Variants in GPC3 observed in about 807,000 individuals in gnomAD.
GPC3 encodes glypican 3.
A neutral mutation model predicts 34.4 loss-of-function variants in GPC3; 3 were observed. The ratio of observed to expected loss-of-function variants is 0.09; its 90% confidence interval spans 0.04 to 0.23. The LOEUF (loss-of-function observed/expected upper bound fraction) is 0.23, where lower values mean the gene tolerates loss of function less well. Among genes scored for constraint, GPC3 ranks in the 10% least tolerant of loss-of-function variants. GPC3 has a pLI of 1.00. For synonymous variants in GPC3, 177 were observed against 174.0 expected (o/e 1.02, Z -0.13); for missense variants, 351 against 445.6 (o/e 0.79, Z 1.91).
intron 3 of GPC3, among the ~76,000 whole-genome samples, chrX:133,715,753 ATGAGAT>A (rs1226734854): frequency 9.0e-6 from 1 of 111,095 alleles, no homozygotes; most frequent in East Asian, 2.8e-4. Context: ...AATCCAGGTA[ATGAGAT>A]GTCCATAAGT....
chrX:133,911,056 A>T (rs1272981237), intron 2 of GPC3, among the ~76,000 whole-genome samples: 2 of 112,166 alleles, frequency 1.8e-5, no homozygotes, highest in Non-Finnish European at 3.8e-5. Flanking sequence ...TCAGGAAGAA[A>T]AAAAGTGCCC....
intron 2 of GPC3, among the ~76,000 whole-genome samples, chrX:133,872,118 T>G (rs148257584): frequency 1.6e-3 from 181 of 111,813 alleles, no homozygotes; most frequent in African/African-American, 5.6e-3. Context: ...ACCAGTTACC[T>G]TTTATGTTAA....
intron 2 of GPC3, among the ~76,000 whole-genome samples, chrX:133,830,653 G>T (rs1252827287): frequency 3.2e-5 from 3 of 94,195 alleles, no homozygotes; most frequent in Non-Finnish European, 6.3e-5. Context: ...ACTCCAGCCT[G>T]GGCAACAAAA....
chrX:133,931,737 C>T (rs11798369), intron 2 of GPC3, among the ~76,000 whole-genome samples: 2 of 111,914 alleles, frequency 1.8e-5, no homozygotes, highest in Non-Finnish European at 3.8e-5. Flanking sequence ...GGACTAAGGA[C>T]TAAGCCCTAA....
chrX:133,977,817 T>C (rs2076522844), intron 1 of GPC3, among the ~76,000 whole-genome samples: 1 of 112,483 alleles, frequency 8.9e-6, no homozygotes, highest in Admixed American at 9.4e-5. Flanking sequence ...AGGCAACTAA[T>C]TGAAAGTTTG....
chrX:133,917,482 T>C (rs2076229833), intron 2 of GPC3, among the ~76,000 whole-genome samples: 1 of 112,026 alleles, frequency 8.9e-6, no homozygotes, highest in African/African-American at 3.2e-5. Flanking sequence ...TGGTCCAGTG[T>C]TAATGCAGTT....
intron 4 of GPC3, among the ~76,000 whole-genome samples, chrX:133,695,831 T>G (rs879941): frequency 0.052 from 5,798 of 112,262 alleles, 236 homozygotes; most frequent in Admixed American, 0.21. Context: ...CTGTTAATAT[T>G]TCAATGTAGT....
chrX:133,743,485 G>A (rs1194609964), intron 3 of GPC3, among the ~76,000 whole-genome samples: 1 of 112,379 alleles, frequency 8.9e-6, no homozygotes, highest in Admixed American at 9.5e-5. Flanking sequence ...AAAATGCATG[G>A]GCATAAGAGG....
chrX:133,661,636 CCCCCCCCTCTCTCT>C (rs2070726271), intron 6 of GPC3, 80 bp downstream of exon 6: 1 of 23,782 alleles, frequency 4.2e-5, no homozygotes, highest in Non-Finnish European at 7.1e-5. Context: ...CTCTCTCTCC[CCCCCCCCTCTCTCT>C]CCCCCTCTCT....
intron 2 of GPC3, among the ~76,000 whole-genome samples, chrX:133,904,862 A>G (rs745641775): frequency 3.6e-5 from 4 of 112,201 alleles, no homozygotes; most frequent in Non-Finnish European, 7.5e-5. Context: ...CTAGATCTAT[A>G]TAAAAGCAAA....
At chrX:133,864,348 T>C (rs1603262558) in intron 2 of GPC3, among the ~76,000 whole-genome samples, 1 of 111,733 alleles carries the variant, frequency 8.9e-6, no homozygotes, top group African/African-American at 3.3e-5. Context: ...TCTGAAGAAA[T>C]TTCCCATCAT....
intron 2 of GPC3, among the ~76,000 whole-genome samples, chrX:133,935,159 A>G (rs1177070839): frequency 3.6e-5 from 4 of 111,778 alleles, no homozygotes; most frequent in Non-Finnish European, 7.5e-5. Context: ...TTAATTTTCT[A>G]ATCTTGCTTC....
intron 1 of GPC3, among the ~76,000 whole-genome samples, chrX:133,968,908 C>G (rs1224645739): frequency 9.0e-6 from 1 of 110,864 alleles, no homozygotes; most frequent in Non-Finnish European, 1.9e-5. Context: ...CTGGCAAAGT[C>G]AGGCACATGA....
chrX:133,694,014 C>T (rs2071090593), intron 4 of GPC3, among the ~76,000 whole-genome samples: 1 of 110,826 alleles, frequency 9.0e-6, no homozygotes, highest in Admixed American at 9.6e-5. Flanking sequence ...TGTTTTCACA[C>T]AGTATGAGGC....
chrX:133,546,708 AC>A (rs954627229), intron 7 of GPC3, among the ~76,000 whole-genome samples: 4 of 112,255 alleles, frequency 3.6e-5, no homozygotes, highest in African/African-American at 1.3e-4. Flanking sequence ...AGAAAGGGGA[AC>A]CCTTGTACAC....
intron 6 of GPC3, among the ~76,000 whole-genome samples, chrX:133,609,165 A>T (rs368554241): frequency 1.8e-5 from 2 of 112,509 alleles, no homozygotes; most frequent in East Asian, 5.6e-4. Context: ...AAACTGGGAC[A>T]TATCCTAAAA....
rs1603240808 is a variant in GPC3 at position 133,754,181 on chromosome X, A to T, written c.338-5T>A. On this transcript the variant is annotated splice_polypyrimidine_tract_variant and splice_region_variant and intron_variant, in intron 2 of 7. Coordinates refer to ENST00000370818, the MANE Select transcript of GPC3 (RefSeq NM_004484.4). ...GAACAACAATTTCAAAGGCCTCTGT[A>T]AAAAAAAAAAAAAAAGAGACACAAA... The T allele has an allele frequency of 5.9e-5, 10 of 168,117 alleles. No individual in the cohort carries two copies. Among genetic ancestry groups the T allele is most frequent in the Non-Finnish European group, 9.1e-5 (10 of 109,864 alleles). 13.9% of individuals were successfully genotyped at this position (168,117 alleles called of 1,213,427 possible).
chrX:133,871,132 G>A (rs966963652), intron 2 of GPC3, among the ~76,000 whole-genome samples: 5 of 111,368 alleles, frequency 4.5e-5, no homozygotes, highest in East Asian at 2.8e-4. Flanking sequence ...ACAGCTCCCC[G>A]TAAGCAGGTC....
At chrX:133,941,351 T>G (rs1387999873) in intron 2 of GPC3, among the ~76,000 whole-genome samples, 2 of 112,616 alleles carry the variant, frequency 1.8e-5, no homozygotes, top group East Asian at 2.8e-4. Context: ...CAGGCTCCAG[T>G]GCATTTCTAG....
Sources: gnomAD v4.1 joint callset for allele counts (sites outside exome capture counted in the v4.1 genomes callset) on GRCh38, gnomAD v4.1.1 for gene constraint, MANE v1.5 for transcripts, NCBI Gene and HGNC (gene_info 2026-07-23, HGNC 2026-07-21) for gene names.